TAFA5: variants seen among roughly 807,000 people sequenced by gnomAD.
TAFA5 encodes the protein TAFA chemokine like family member 5.
Under a neutral mutation model 15.3 loss-of-function variants are expected in TAFA5, and 6 were observed. That is an observed-to-expected ratio of 0.39 (90% CI 0.21 to 0.77). The LOEUF (loss-of-function observed/expected upper bound fraction) is 0.77, where lower values mean the gene tolerates loss of function less well. TAFA5 is among the 30% of genes least tolerant of loss of function. The pLI is 0.41. For missense variants in TAFA5, 161 were observed against 193.1 expected (o/e 0.83, Z 0.98); for synonymous variants, 103 against 80.7 (o/e 1.28, Z -1.48).
At chr22:48,656,111 C>A (rs895453331) in intron 2 of TAFA5, among the ~76,000 whole-genome samples, 1 of 151,772 alleles carries the variant, frequency 6.6e-6, no homozygotes, top group African/African-American at 2.4e-5. Context: ...CAAAGAGCTG[C>A]AATTACAGGT....
intron 1 of TAFA5, among the ~76,000 whole-genome samples, chr22:48,584,175 A>G (rs1472783306): frequency 2.7e-5 from 4 of 150,686 alleles, no homozygotes; most frequent in African/African-American, 9.8e-5. Flanking sequence ...TACACACACC[A>G]CACACCACTC....
intron 1 of TAFA5, among the ~76,000 whole-genome samples, chr22:48,582,983 C>G (rs1331523741): frequency 2.7e-5 from 4 of 147,602 alleles, no homozygotes; most frequent in African/African-American, 1.0e-4. Context: ...ACAAAATACA[C>G]CACACACAAA....
chr22:48,673,158 C>T lies in TAFA5; in HGVS notation c.262+26412C>T, dbSNP rs373967385. 2.6e-5 allele frequency among the ~76,000 whole-genome samples: 4 copies of T among 152,348 alleles called. No individual in the cohort carries two copies. The South Asian group carries it at 8.3e-4, about 32-fold the overall frequency. ...TTGTTCAAGTTCTGAGGAAGGTCCC[C>T]TCCATCACCGTCATCTTCTCCTCCA... On this transcript the variant is annotated intron_variant, in intron 2 of 3. Coordinates refer to ENST00000402357, the MANE Select transcript of TAFA5 (RefSeq NM_001082967.3).
intron 2 of TAFA5, among the ~76,000 whole-genome samples, chr22:48,660,730 G>A (rs956947024): frequency 1.3e-5 from 2 of 152,314 alleles, no homozygotes; most frequent in East Asian, 3.9e-4. Context: ...TACCAGCTGT[G>A]CAACGACACA....
chr22:48,514,901 C>A (rs576956694), intron 1 of TAFA5, among the ~76,000 whole-genome samples: 51 of 152,242 alleles, frequency 3.3e-4, no homozygotes, highest in Admixed American at 1.1e-3. Context: ...GATCTCCAAA[C>A]CATACAGGGT....
intron 1 of TAFA5, among the ~76,000 whole-genome samples, chr22:48,576,043 C>A (rs528057396): frequency 3.8e-5 from 4 of 105,450 alleles, no homozygotes; most frequent in Non-Finnish European, 8.0e-5. Context: ...CGCCGGACCC[C>A]CCCCCCCCCC....
chr22:48,556,273 G>T (rs1184064956), intron 1 of TAFA5, among the ~76,000 whole-genome samples: 1 of 152,162 alleles, frequency 6.6e-6, no homozygotes, highest in African/African-American at 2.4e-5. Flanking sequence ...GCCCCCTGTG[G>T]TCAGCCCCTC....
chr22:48,561,228 T>C (rs1923219343), intron 1 of TAFA5, among the ~76,000 whole-genome samples: 1 of 152,144 alleles, frequency 6.6e-6, no homozygotes, highest in South Asian at 2.1e-4. Context: ...CCTTTGCTGG[T>C]ACCTCTATCA....
intron 2 of TAFA5, among the ~76,000 whole-genome samples, chr22:48,660,690 C>T (rs963568259): frequency 6.6e-6 from 1 of 152,226 alleles, no homozygotes; most frequent in African/African-American, 2.4e-5. Context: ...CTGGGATCGC[C>T]CCACTGGGCT....
intron 3 of TAFA5, among the ~76,000 whole-genome samples, chr22:48,734,260 C>A (rs994247276): frequency 1.3e-4 from 20 of 152,182 alleles, no homozygotes; most frequent in African/African-American, 4.8e-4. Flanking sequence ...AAGTCTGGAA[C>A]AAATGAAAGA....
In TAFA5 at chr22:48,749,788, C is replaced by T. The variant is rs543123367; in HGVS notation, c.391-51C>T. ...AAGAGGAGCCTGTGTTCCCTGTGGC[C>T]CTGGGCAGCGTCTGCAGGAGGCTCA... On this transcript the variant is annotated intron_variant, in intron 3 of 3. Coordinates refer to ENST00000402357, the MANE Select transcript of TAFA5 (RefSeq NM_001082967.3). The T allele has an allele frequency of 2.6e-6, 4 of 1,555,108 alleles. No homozygotes were observed. In the African/African-American group the frequency reaches 5.5e-5, roughly 21 times the overall value.
At chr22:48,656,637 A>C (rs1162922781) in intron 2 of TAFA5, among the ~76,000 whole-genome samples, 1 of 152,104 alleles carries the variant, frequency 6.6e-6, no homozygotes, top group African/African-American at 2.4e-5. Context: ...AAAGACAATA[A>C]TAAAGATCAA....
intron 1 of TAFA5, among the ~76,000 whole-genome samples, chr22:48,546,341 G>A (rs1283970765): frequency 1.3e-5 from 2 of 152,212 alleles, no homozygotes; most frequent in Non-Finnish European, 2.9e-5. Flanking sequence ...AAGGTGGCCT[G>A]AGTCCACTGC....
At chr22:48,660,693 A>G (rs1927406081) in intron 2 of TAFA5, among the ~76,000 whole-genome samples, 4 of 152,132 alleles carry the variant, frequency 2.6e-5, no homozygotes, top group Admixed American at 2.6e-4. Context: ...GGATCGCCCC[A>G]CTGGGCTCCG....
chr22:48,515,597 C>G (rs995921224), intron 1 of TAFA5, among the ~76,000 whole-genome samples: 2 of 152,194 alleles, frequency 1.3e-5, no homozygotes. Flanking sequence ...AGGGACCTCT[C>G]TTTTCACAGT....
chr22:48,621,045 C>CTATCT (rs1569051265), intron 1 of TAFA5, among the ~76,000 whole-genome samples: 4 of 119,172 alleles, frequency 3.4e-5, no homozygotes, highest in Admixed American at 8.2e-5. Context: ...CCCTCCCACC[C>CTATCT]ATCCACCCAC....
At chr22:48,666,842 T>G (rs1927633947) in intron 2 of TAFA5, among the ~76,000 whole-genome samples, 1 of 152,096 alleles carries the variant, frequency 6.6e-6, no homozygotes, top group African/African-American at 2.4e-5. Flanking sequence ...TGGGGAGCAT[T>G]CCATCCGGAG....
intron 1 of TAFA5, among the ~76,000 whole-genome samples, chr22:48,556,792 G>A (rs969174509): frequency 2.0e-5 from 3 of 152,168 alleles, no homozygotes; most frequent in Admixed American, 6.5e-5. Context: ...ACCTGATCAT[G>A]GCCTTGCTCA....
chr22:48,661,219 G>A (rs970602945), intron 2 of TAFA5, among the ~76,000 whole-genome samples: 6 of 152,210 alleles, frequency 3.9e-5, no homozygotes, highest in Non-Finnish European at 8.8e-5. Flanking sequence ...TGGCCACCTG[G>A]CACAGTGTCC....
Sources: gnomAD v4.1 joint callset for allele counts (sites outside exome capture counted in the v4.1 genomes callset) on GRCh38, gnomAD v4.1.1 for gene constraint, MANE v1.5 for transcripts, NCBI Gene and HGNC (gene_info 2026-07-23, HGNC 2026-07-21) for gene names.